Variants in DPP6 observed in about 807,000 individuals in gnomAD.
The protein encoded by DPP6 is A-type potassium channel modulatory protein DPP6.
In DPP6, 69 loss-of-function variants were observed where a neutral mutation model predicts 122.6. That is an observed-to-expected ratio of 0.56 (90% CI 0.46 to 0.69). DPP6 has a LOEUF of 0.69. DPP6 is among the 30% of genes least tolerant of loss of function. DPP6 has a pLI of 0.00. For synonymous variants in DPP6, 418 were observed against 433.1 expected (o/e 0.97, Z 0.43); for missense variants, 928 against 1,116.9 (o/e 0.83, Z 2.41).
Position 154,241,230 on chromosome 7 carries a change from TAGAG to T in DPP6, c.243+188179_243+188182del, listed in dbSNP as rs796744725. 9.4e-5 allele frequency among the ~76,000 whole-genome samples: 14 copies of T among 149,150 alleles called. No homozygotes were observed. The highest frequency in any genetic ancestry group is 4.3e-4 in the South Asian group (2 of 4,690). ...GTGTGTGTGTGTGTGTATATATATA[TAGAG>T]AGAGAGAGAGACACTTTTATCCATT... On this transcript the variant is annotated intron_variant, in intron 1 of 25. Transcript: ENST00000377770. The surrounding 1 kb of genome is among the most constrained non-coding windows in gnomAD (Gnocchi z 9.0).
chr7:154,555,522 C>G (rs576929612), intron 4 of DPP6, among the ~76,000 whole-genome samples: 1 of 151,792 alleles, frequency 6.6e-6, no homozygotes. Context: ...TGCTAAATGA[C>G]GAGTTAATGG....
intron 1 of DPP6, among the ~76,000 whole-genome samples, chr7:154,166,101 T>A (rs28373177): frequency 6.6e-6 from 1 of 152,096 alleles, no homozygotes; most frequent in African/African-American, 2.4e-5. Context: ...GCTTCCTCAC[T>A]GGGATGTGGA....
intron 1 of DPP6, among the ~76,000 whole-genome samples, chr7:154,196,359 T>TC (rs1187706470): frequency 6.6e-6 from 1 of 152,110 alleles, no homozygotes; most frequent in Non-Finnish European, 1.5e-5. Flanking sequence ...GCACGTTGGT[T>TC]CACACCTGTA....
chr7:154,164,077 G>A (rs545432302), intron 1 of DPP6, among the ~76,000 whole-genome samples: 1 of 152,030 alleles, frequency 6.6e-6, no homozygotes, highest in East Asian at 1.9e-4. Flanking sequence ...CCTCTTCCAG[G>A]CACCCAAGGT....
Position 153,957,728 on chromosome 7 carries a change from T to A in DPP6, c.51+69994T>A, listed in dbSNP as rs189407090. On this transcript the variant is annotated intron_variant, in intron 1 of 25. Coordinates refer to the DPP6 transcript ENST00000404039. ...TTCTGATGTTTGGAAATAAAAAAAA[T>A]CAGAACTACCTCATTAACGCTCTCT... Among the ~76,000 whole-genome samples the A allele has an allele frequency of 5.9e-3, 893 of 152,306 alleles. 13 individuals are homozygous for A. Among genetic ancestry groups the A allele is most frequent in the African/African-American group, 0.021 (857 of 41,564 alleles).
chr7:153,997,649 A>G (rs1034448137), intron 1 of DPP6, among the ~76,000 whole-genome samples: 1 of 149,604 alleles, frequency 6.7e-6, no homozygotes, highest in Non-Finnish European at 1.5e-5. Context: ...ATGCTCATTT[A>G]TACACAGCTC....
intron 1 of DPP6, among the ~76,000 whole-genome samples, chr7:154,063,166 C>T (rs1441237910): frequency 7.9e-6 from 1 of 127,222 alleles, no homozygotes. Flanking sequence ...ATCCCCTTTT[C>T]CGCCCCTGGC....
the DPP6 span, among the ~76,000 whole-genome samples, chr7:153,815,965 AT>A: frequency 5.3e-5 from 8 of 152,330 alleles, 1 homozygote; most frequent in East Asian, 1.5e-3. Flanking sequence ...AAGGTTTCCA[AT>A]GTCATTTATT....
intron 1 of DPP6, among the ~76,000 whole-genome samples, chr7:154,330,483 A>G (rs1585961456): frequency 6.6e-6 from 1 of 152,284 alleles, no homozygotes; most frequent in East Asian, 1.9e-4. Flanking sequence ...CACGGAAAAG[A>G]TGAGCGTGAT....
intron 1 of DPP6, among the ~76,000 whole-genome samples, chr7:153,984,847 C>A (rs149268476): frequency 2.0e-5 from 3 of 152,168 alleles, no homozygotes; most frequent in African/African-American, 7.2e-5. Flanking sequence ...TGATCTGTGG[C>A]GAGGAAGTTT....
chr7:154,331,113 A>AT (rs1808892956), intron 1 of DPP6, among the ~76,000 whole-genome samples: 1 of 151,798 alleles, frequency 6.6e-6, no homozygotes, highest in African/African-American at 2.4e-5. Context: ...CTGTTTCCAC[A>AT]TTTTTTTCTC....
the DPP6 span, among the ~76,000 whole-genome samples, chr7:153,759,782 C>T: frequency 4.0e-3 from 614 of 152,222 alleles, 4 homozygotes; most frequent in African/African-American, 0.014. Context: ...TAGAAGAAAA[C>T]ATAAAATACC....
At chr7:154,720,632 G>A (rs1454168151) in intron 7 of DPP6, among the ~76,000 whole-genome samples, 2 of 152,236 alleles carry the variant, frequency 1.3e-5, no homozygotes, top group Non-Finnish European at 2.9e-5. Context: ...AGTGGACAGT[G>A]GGCTTGGGTG....
At chr7:154,308,034 A>T (rs1022688684) in intron 1 of DPP6, among the ~76,000 whole-genome samples, 1 of 152,068 alleles carries the variant, frequency 6.6e-6, no homozygotes, top group Non-Finnish European at 1.5e-5. Context: ...TCATCTTGTG[A>T]GGCATTAACC....
chr7:154,726,011 A>G (rs981269579), intron 7 of DPP6, among the ~76,000 whole-genome samples: 1 of 152,200 alleles, frequency 6.6e-6, no homozygotes, highest in African/African-American at 2.4e-5. Context: ...TCCATGACTC[A>G]TATCCAGTGC....
intron 16 of DPP6, among the ~76,000 whole-genome samples, chr7:154,807,745 C>T (rs766615905): frequency 9.7e-4 from 147 of 152,208 alleles, no homozygotes; most frequent in Middle Eastern, 3.4e-3. Context: ...TTGCTTGAAC[C>T]CAGGAGGTGG....
At chr7:154,429,229 A>G (rs1162945151) in intron 1 of DPP6, among the ~76,000 whole-genome samples, 1 of 151,964 alleles carries the variant, frequency 6.6e-6, no homozygotes, top group Non-Finnish European at 1.5e-5. Context: ...GATCAAATGA[A>G]TGAGTTCTGG....
intron 1 of DPP6, among the ~76,000 whole-genome samples, chr7:153,973,743 T>C (rs527572778): frequency 0.014 from 2,148 of 150,396 alleles, 58 homozygotes; most frequent in African/African-American, 0.05. Context: ...CTCACAAGTC[T>C]TCTGAGGATT....
intron 5 of DPP6, among the ~76,000 whole-genome samples, chr7:154,577,244 CT>C (rs1203889817): frequency 1.8e-4 from 28 of 152,134 alleles, no homozygotes; most frequent in African/African-American, 6.3e-4. Context: ...AAGGACCCCC[CT>C]GTCCATCTTG....
Sources: allele counts gnomAD v4.1 joint callset (sites outside exome capture counted in the v4.1 genomes callset), GRCh38; gene constraint gnomAD v4.1.1; non-coding constraint Gnocchi (gnomAD v3.1); transcripts MANE v1.5; gene names NCBI Gene and HGNC (gene_info 2026-07-23, HGNC 2026-07-21).